Variants in SYNE2 observed in about 807,000 individuals in gnomAD.
The protein encoded by SYNE2 is nesprin-2.
A neutral mutation model predicts 856.3 loss-of-function variants in SYNE2; 431 were observed. That is an observed-to-expected ratio of 0.50 (90% CI 0.47 to 0.55). The LOEUF is 0.55. SYNE2 is among the 20% of genes least tolerant of loss of function. The pLI is 0.00. For missense variants in SYNE2, 8,129 were observed against 8,023.2 expected (o/e 1.01, Z -0.50); for synonymous variants, 2,923 against 2,872.3 (o/e 1.02, Z -0.56).
chr14:64,141,808 G>A, intron 81 of SYNE2, 134 bp from the exon 82 acceptor site: 2 of 1,216,964 alleles, frequency 1.6e-6, no homozygotes, highest in Admixed American at 2.4e-5. Context: ...TGAATGCTGG[G>A]TTTGTTTTTT....
At chr14:64,196,746 A>G (rs2098542358) in intron 99 of SYNE2, 1 of 152,280 alleles carries the variant, frequency 6.6e-6, no homozygotes, top group African/African-American at 2.4e-5. Context: ...CCAAGATAAC[A>G]GTGTGACTTT....
intron 39 of SYNE2, 73 bp from the exon 40 acceptor site, chr14:64,024,839 T>C: frequency 6.5e-7 from 1 of 1,527,596 alleles, no homozygotes; most frequent in Non-Finnish European, 9.1e-7. Context: ...GTCACAAGGT[T>C]TGTGCCATCC....
intron 1 of SYNE2, among the ~76,000 whole-genome samples, chr14:63,871,693 C>T (rs1896896205): frequency 6.6e-6 from 1 of 150,602 alleles, no homozygotes; most frequent in South Asian, 2.1e-4. Flanking sequence ...GGGGTTTCGC[C>T]ATGTTGCCCA....
intron 100 of SYNE2, among the ~76,000 whole-genome samples, chr14:64,204,664 A>G (rs2098596740): frequency 2.6e-5 from 4 of 152,222 alleles, no homozygotes; most frequent in Admixed American, 2.0e-4. Context: ...GCATCACCTT[A>G]GTGACATTTC....
At chr14:63,982,857 C>A in intron 17 of SYNE2, 63 bp downstream of exon 17, 2 of 1,524,900 alleles carry the variant, frequency 1.3e-6, no homozygotes, top group South Asian at 1.1e-5. Flanking sequence ...ACAATTTACT[C>A]ATTGTAAGTT....
In SYNE2 at chr14:63,817,281, A is replaced by G. The variant is rs142651471; in HGVS notation, c.-304-35220A>G. Among the ~76,000 whole-genome samples, 4 of 151,910 alleles carry G rather than the reference A, an allele frequency of 2.6e-5. No individual in the cohort carries two copies. The East Asian group carries it at 7.8e-4, about 30-fold the overall frequency. On this transcript the variant is annotated intron_variant, in intron 1 of 23. Coordinates refer to the SYNE2 transcript ENST00000674003. ...TTAGAGACCAACCTGGGCAACATGGAAAAATCCTGTCTCTACAAAAAAACA... is the reference window on the plus strand; with the variant it reads ...TTAGAGACCAACCTGGGCAACATGGGAAAATCCTGTCTCTACAAAAAAACA...
At chr14:64,177,332 C>G in intron 95 of SYNE2, 26 bp from the exon 96 acceptor site, 1 of 1,613,856 alleles carries the variant, frequency 6.2e-7, no homozygotes, top group Non-Finnish European at 8.5e-7. Flanking sequence ...AAAATACTTA[C>G]CAGTTTTAAT....
chr14:64,147,826 G>C (rs1038838311), intron 84 of SYNE2, among the ~76,000 whole-genome samples: 1 of 152,094 alleles, frequency 6.6e-6, no homozygotes, highest in Non-Finnish European at 1.5e-5. Context: ...AGTTTAAACT[G>C]GATACAAAAA....
At chr14:64,012,784 A>G (rs2096856707) in intron 32 of SYNE2, among the ~76,000 whole-genome samples, 1 of 152,218 alleles carries the variant, frequency 6.6e-6, no homozygotes, top group South Asian at 2.1e-4. Context: ...AAACTGTCTA[A>G]AAAAGCAGAT....
In SYNE2 at chr14:64,212,932, A is replaced by T; in HGVS notation, c.18983A>T (p.Glu6328Val). The change falls in exon 105 of 116, where the codon GAA becomes GTA. Residue 6328 changes from glutamate (E) to valine (V), a missense_variant. Coordinates refer to ENST00000555002, the MANE Select transcript of SYNE2 (RefSeq NM_182914.3). ...GTGCTGATTGAGGATGAGCTGGAGGAACTCCACCGCTACTGCCAGGAGGTG... is the reference window on the plus strand; with the variant it reads ...GTGCTGATTGAGGATGAGCTGGAGGTACTCCACCGCTACTGCCAGGAGGTG... ...DAVLIEDELE[E>V]LHRYCQEVFG... 6.2e-7 allele frequency: 1 copy of T among 1,614,170 alleles called. No homozygotes were observed. The highest frequency in any genetic ancestry group is 8.5e-7 in the Non-Finnish European group (1 of 1,180,036).
At chr14:64,190,525 ATTG>A in intron 99 of SYNE2, 2 of 675,740 alleles carry the variant, frequency 3.0e-6, no homozygotes, top group Admixed American at 2.3e-5. Context: ...GGGAGGGGGT[ATTG>A]TTTAGAAATT....
intron 1 of SYNE2, among the ~76,000 whole-genome samples, chr14:63,904,593 T>A (rs970336772): frequency 6.6e-6 from 1 of 152,130 alleles, no homozygotes; most frequent in Non-Finnish European, 1.5e-5. Context: ...TTTTTTCATG[T>A]TAGTTGGCCA....
intron 6 of SYNE2, among the ~76,000 whole-genome samples, chr14:63,947,837 A>T (rs1237771445): frequency 6.7e-6 from 1 of 148,702 alleles, no homozygotes; most frequent in African/African-American, 2.5e-5. Flanking sequence ...AACTCTGTCT[A>T]AAAAAAAAAG....
At chr14:64,087,483 T>C (rs2097572744) in intron 57 of SYNE2, 188 bp from the exon 58 acceptor site, 2 of 761,324 alleles carry the variant, frequency 2.6e-6, no homozygotes, top group South Asian at 1.4e-5. Flanking sequence ...GTTACAGTTA[T>C]ACAGGTAGAT....
At position 64,024,469 on chromosome 14, in the gene SYNE2, A is replaced by G. The variant is rs751855197; in HGVS notation, c.5840+10A>G. 9 of 1,612,106 alleles carry G rather than the reference A, an allele frequency of 5.6e-6. No individual in the cohort carries two copies. Among genetic ancestry groups the G allele is most frequent in the Non-Finnish European group, 6.8e-6 (8 of 1,178,480 alleles). On this transcript the variant is annotated intron_variant, in intron 39 of 115. Transcript: ENST00000555002. Reference sequence around the variant, plus strand: ...TGCAGCAGCTACTGAGGTAGGAAATAAAGATGATATCTAAATAACATGTTT... The same window carrying G: ...TGCAGCAGCTACTGAGGTAGGAAATGAAGATGATATCTAAATAACATGTTT...
intron 99 of SYNE2, chr14:64,202,230 A>G (rs1312118745): frequency 4.3e-6 from 3 of 702,390 alleles, no homozygotes; most frequent in Admixed American, 2.0e-5. Flanking sequence ...GGCTGGTTCA[A>G]TGTATACGGC....
chr14:64,165,501 C>T, intron 90 of SYNE2, 91 bp downstream of exon 90: 1 of 1,355,558 alleles, frequency 7.4e-7, no homozygotes. Context: ...GGAATGCTTG[C>T]ATCCTAACTC....
intron 112 of SYNE2, 119 bp from the exon 113 acceptor site, chr14:64,223,070 G>T: frequency 1.0e-6 from 1 of 974,340 alleles, no homozygotes; most frequent in Non-Finnish European, 1.6e-6. Context: ...GAGGATTCTC[G>T]AGTTGAGTAC....
chr14:64,107,367 C>T, intron 64 of SYNE2, 124 bp from the exon 65 acceptor site: 2 of 849,868 alleles, frequency 2.4e-6, no homozygotes, highest in South Asian at 1.4e-5. Context: ...CTAATCGTAT[C>T]TGACTTCTCC....
Sources: gnomAD v4.1 joint callset for allele counts (sites outside exome capture counted in the v4.1 genomes callset) on GRCh38, gnomAD v4.1.1 for gene constraint, MANE v1.5 for transcripts, NCBI Gene and HGNC (gene_info 2026-07-23, HGNC 2026-07-21) for gene names.